Variants in RUFY2 observed in about 807,000 individuals in gnomAD.
RUFY2 encodes RUN and FYVE domain-containing protein 2.
RUFY2 carries 49 observed loss-of-function variants against 94.4 expected under a neutral mutation model. The ratio of observed to expected loss-of-function variants is 0.52; its 90% CI spans 0.41 to 0.66. The LOEUF is 0.66. Ranked by LOEUF, RUFY2 falls within the 30% of genes least tolerant of loss-of-function variation. The pLI is 0.00. For missense variants in RUFY2, 541 were observed against 692.8 expected, an observed-to-expected ratio of 0.78 and a Z score of 2.46; for synonymous variants, 255 against 235.7, an observed-to-expected ratio of 1.08 and a Z score of -0.75.
Position 68,401,649 on chromosome 10 carries a change from T to C in RUFY2, c.267A>G (p.Gly89=). Reference sequence around the variant, plus strand: ...GACCAGGTAGATCCCGGACACTAGCTCCTATTTCCTCTGCTTCGGGGTACA... The same window carrying C: ...GACCAGGTAGATCCCGGACACTAGCCCCTATTTCCTCTGCTTCGGGGTACA... ...EKLYPEAEEI[G]ASVRDLPGLK... is the part of the protein sequence containing the mutation. The change falls in exon 3 of 18, where the codon GGA becomes GGG. Residue 89 remains glycine (G), a synonymous_variant. Transcript: ENST00000602465. 1 of 1,613,420 alleles carries C rather than the reference T, an allele frequency of 6.2e-7. No individual in the cohort carries two copies. Among genetic ancestry groups the C allele is most frequent in the Non-Finnish European group, 8.5e-7 (1 of 1,179,398 alleles).
At chr10:68,382,965 C>T (rs886658269) in intron 10 of RUFY2, among the ~76,000 whole-genome samples, 1 of 152,168 alleles carries the variant, frequency 6.6e-6, no homozygotes, top group Admixed American at 6.6e-5. Flanking sequence ...TGTTCTATTT[C>T]ATTTTCTATA....
At chr10:68,356,589 C>T (rs543121812) in intron 15 of RUFY2, among the ~76,000 whole-genome samples, 1 of 152,022 alleles carries the variant, frequency 6.6e-6, no homozygotes, top group Admixed American at 6.5e-5. Flanking sequence ...GTTCTGTTAC[C>T]CAGGCTGCAG....
intron 15 of RUFY2, among the ~76,000 whole-genome samples, chr10:68,356,576 C>G (rs946521040): frequency 6.6e-6 from 1 of 151,878 alleles, no homozygotes; most frequent in Non-Finnish European, 1.5e-5. Context: ...TTGATGGAGT[C>G]TCGTTCTGTT....
chr10:68,384,936 T>C (rs2049365232), intron 8 of RUFY2, among the ~76,000 whole-genome samples: 1 of 152,174 alleles, frequency 6.6e-6, no homozygotes, highest in South Asian at 2.1e-4. Context: ...ACTGCAGTCA[T>C]GCAAGTTATC....
intron 4 of RUFY2, among the ~76,000 whole-genome samples, chr10:68,396,369 A>G (rs191958177): frequency 6.6e-6 from 1 of 152,196 alleles, no homozygotes; most frequent in Non-Finnish European, 1.5e-5. Flanking sequence ...AATTCTAAAA[A>G]AAAAAACAAA....
intron 3 of RUFY2, among the ~76,000 whole-genome samples, chr10:68,401,036 T>G (rs2050806033): frequency 6.6e-6 from 1 of 152,162 alleles, no homozygotes; most frequent in Admixed American, 6.5e-5. Flanking sequence ...ATTTAAGAAC[T>G]GAGTCTTAAC....
chr10:68,388,006 A>AAAT (rs957432801), intron 7 of RUFY2, among the ~76,000 whole-genome samples: 8 of 152,054 alleles, frequency 5.3e-5, no homozygotes, highest in African/African-American at 1.2e-4. Flanking sequence ...CTGTCTCAGA[A>AAAT]AATAATAATA....
At chr10:68,364,160 G>A (rs765695179) in intron 13 of RUFY2, 47 bp from the exon 14 acceptor site, 59 of 1,569,000 alleles carry the variant, frequency 3.8e-5, no homozygotes, top group Non-Finnish European at 4.8e-5. Flanking sequence ...TTTCTCACAC[G>A]ACAGTTGTTA....
intron 8 of RUFY2, among the ~76,000 whole-genome samples, chr10:68,384,620 G>A (rs186939498): frequency 1.6e-4 from 25 of 152,286 alleles, no homozygotes; most frequent in African/African-American, 5.5e-4. Context: ...GACACCCCAT[G>A]AAGTCTAGAC....
Position 68,379,494 on chromosome 10 carries a change from T to C in RUFY2, c.1135A>G (p.Asn379Asp). 1.9e-6 allele frequency: 3 copies of C among 1,612,926 alleles called. No homozygotes were observed. In the South Asian group the frequency reaches 3.3e-5, roughly 18 times the overall value. ...TCTTCTAGTCGGGCAATTATTTCAT[T>C]TTTTTCTTTCAAGCCATCTTCAGAA... ...QGSEDGLKEK[N>D]EIIARLEEKT... is the part of the protein sequence containing the mutation. Residue 379 changes from asparagine to aspartate, a missense_variant, in exon 12 of 18, where the codon AAT becomes GAT. Transcript: ENST00000602465.
chr10:68,350,180 T>C (rs901416114), intron 16 of RUFY2, among the ~76,000 whole-genome samples: 1 of 151,998 alleles, frequency 6.6e-6, no homozygotes, highest in Non-Finnish European at 1.5e-5. Context: ...TGGCTAATTT[T>C]TGCATTTTTA....
At chr10:68,348,352 T>A (rs930819923) in intron 16 of RUFY2, among the ~76,000 whole-genome samples, 1 of 149,628 alleles carries the variant, frequency 6.7e-6, no homozygotes, top group African/African-American at 2.5e-5. Context: ...CAAAAAAAAA[T>A]ATAAATGAAA....
intron 15 of RUFY2, among the ~76,000 whole-genome samples, chr10:68,355,948 C>T (rs948949834): frequency 3.3e-5 from 5 of 151,232 alleles, no homozygotes; most frequent in Non-Finnish European, 5.9e-5. Context: ...GAAATATTGG[C>T]ATTTTCATGT....
At position 68,383,891 on chromosome 10, in the gene RUFY2, A is replaced by G. The variant is rs1375803498; in HGVS notation, c.846T>C (p.Thr282=). Residue 282 remains threonine (T), a synonymous_variant, in exon 10 of 18, where the codon ACT becomes ACC. Transcript: ENST00000602465. Reference sequence around the variant, plus strand: ...GAGAATGCTTATATGTTTGAAGCTCAGTTTCCACATCTACTTTGGTAACCT... The same window carrying G: ...GAGAATGCTTATATGTTTGAAGCTCGGTTTCCACATCTACTTTGGTAACCT... ...HLEVTKVDVE[T]ELQTYKHSRQ... The G allele has an allele frequency of 6.2e-7, 1 of 1,613,812 alleles. No individual in the cohort carries two copies. Among genetic ancestry groups the G allele is most frequent in the South Asian group, 1.1e-5 (1 of 91,086 alleles).
chr10:68,365,047 T>C (rs1564798800), intron 13 of RUFY2, among the ~76,000 whole-genome samples: 1 of 152,218 alleles, frequency 6.6e-6, no homozygotes. Context: ...AACATTATAA[T>C]GTTGAGTACA....
intron 16 of RUFY2, among the ~76,000 whole-genome samples, chr10:68,352,188 T>A (rs2046730086): frequency 6.6e-6 from 1 of 152,156 alleles, no homozygotes; most frequent in African/African-American, 2.4e-5. Context: ...CTCAAACTCC[T>A]GGCCTCAAGC....
At chr10:68,361,858 T>C (rs2047481871) in intron 15 of RUFY2, among the ~76,000 whole-genome samples, 1 of 152,178 alleles carries the variant, frequency 6.6e-6, no homozygotes. Flanking sequence ...ATAGAATTGT[T>C]TGAGGTTAGT....
chr10:68,406,781 G>A, intron 1 of RUFY2: 5 of 1,611,922 alleles, frequency 3.1e-6, no homozygotes, highest in Non-Finnish European at 4.2e-6. Context: ...AGCATTCCCC[G>A]TCTCCCGCCC....
intron 1 of RUFY2, 115 bp from the exon 2 acceptor site, chr10:68,404,959 A>G: frequency 2.5e-6 from 2 of 798,698 alleles, no homozygotes; most frequent in Non-Finnish European, 3.8e-6. Flanking sequence ...CTTGGTTGAC[A>G]AATTCTCCCC....
Sources: gnomAD v4.1 joint callset for allele counts (sites outside exome capture counted in the v4.1 genomes callset) on GRCh38, gnomAD v4.1.1 for gene constraint, MANE v1.5 for transcripts, NCBI Gene and HGNC (gene_info 2026-07-23, HGNC 2026-07-21) for gene names.